Variants in RASAL2 observed in about 807,000 individuals in gnomAD.
RASAL2 encodes RAS protein activator like 2, also known as ras GTPase-activating protein nGAP.
RASAL2 carries 58 observed loss-of-function variants against 128.9 expected under a neutral mutation model. That is an observed-to-expected ratio of 0.45 (90% confidence interval 0.36 to 0.56). The LOEUF (loss-of-function observed/expected upper bound fraction) is 0.56. Ranked by LOEUF, RASAL2 falls within the 20% of genes least tolerant of loss-of-function variation. The pLI, the probability that RASAL2 is intolerant of heterozygous loss-of-function variation, is 0.00. For synonymous variants in RASAL2, 561 were observed against 580.8 expected (o/e 0.97, Z 0.49); for missense variants, 1,360 against 1,601.6 (o/e 0.85, Z 2.57).
At chr1:178,431,446 A>G (rs2102796551) in intron 5 of RASAL2, among the ~76,000 whole-genome samples, 1 of 152,180 alleles carries the variant, frequency 6.6e-6, no homozygotes. Flanking sequence ...GCCACATCTC[A>G]TGTTGAAGAT....
intron 1 of RASAL2, among the ~76,000 whole-genome samples, chr1:178,205,723 C>T (rs1341684768): frequency 6.6e-6 from 1 of 152,040 alleles, no homozygotes; most frequent in Non-Finnish European, 1.5e-5. Flanking sequence ...CGCCACTGCA[C>T]TCCAGCCTGG....
intron 1 of RASAL2, among the ~76,000 whole-genome samples, chr1:178,210,471 A>G (rs1663213270): frequency 6.6e-6 from 1 of 152,306 alleles, no homozygotes; most frequent in Non-Finnish European, 1.5e-5. Context: ...TCCCTTGTCT[A>G]CAATTTTGAA....
At chr1:178,393,870 C>T (rs969046416) in intron 4 of RASAL2, among the ~76,000 whole-genome samples, 5 of 152,116 alleles carry the variant, frequency 3.3e-5, no homozygotes, top group Non-Finnish European at 7.4e-5. Context: ...AGACCAGAAT[C>T]GAACGAGTTT....
chr1:178,166,848 T>C (rs1661532749), intron 1 of RASAL2, among the ~76,000 whole-genome samples: 1 of 152,142 alleles, frequency 6.6e-6, no homozygotes, highest in East Asian at 1.9e-4. Context: ...GTGATTAGGA[T>C]GTGGCTGAAA....
At chr1:178,155,969 G>A (rs968882099) in intron 1 of RASAL2, among the ~76,000 whole-genome samples, 22 of 151,996 alleles carry the variant, frequency 1.4e-4, no homozygotes, top group African/African-American at 5.1e-4. Context: ...CTCTTCCCCC[G>A]ACAACCCCAA....
intron 1 of RASAL2, among the ~76,000 whole-genome samples, chr1:178,122,035 G>T (rs980622138): frequency 6.6e-6 from 1 of 152,032 alleles, no homozygotes; most frequent in Non-Finnish European, 1.5e-5. Context: ...CTAGGACCAA[G>T]TCATTGTTAG....
intron 1 of RASAL2, among the ~76,000 whole-genome samples, chr1:178,145,925 A>C (rs1046778215): frequency 6.6e-6 from 1 of 152,218 alleles, no homozygotes; most frequent in African/African-American, 2.4e-5. Flanking sequence ...ATACCTAGCT[A>C]TAAGGGAAAC....
intron 1 of RASAL2, among the ~76,000 whole-genome samples, chr1:178,185,838 A>G (rs527722048): frequency 1.7e-4 from 26 of 152,060 alleles, no homozygotes; most frequent in Admixed American, 5.9e-4. Flanking sequence ...ATATTGTTCT[A>G]TTGTTTTCCT....
intron 1 of RASAL2, among the ~76,000 whole-genome samples, chr1:178,255,625 C>G (rs1280831210): frequency 6.6e-6 from 1 of 151,864 alleles, no homozygotes. Flanking sequence ...TAAATTAGAA[C>G]AAATCTGAAG....
rs563290828 is a variant in RASAL2 at position 178,315,059 on chromosome 1, G to C, written c.457+14941G>C. ...GTGGTGTTTGGTTTTTTGATCTTGC[G>C]ATAGTTTACTGAGAATGATGATTTC... is the stretch of plus-strand genomic sequence containing the variant. On this transcript the variant is annotated intron_variant, in intron 3 of 17. Transcript: ENST00000367649. Among the ~76,000 whole-genome samples the C allele has an allele frequency of 8.8e-5, 13 of 148,074 alleles. No homozygotes were observed. The South Asian group carries it at 2.6e-3, about 30-fold the overall frequency.
chr1:178,094,353 G>A lies in RASAL2; in HGVS notation c.-140G>A, dbSNP rs1247054871. 7 of 743,066 alleles carry A rather than the reference G, an allele frequency of 9.4e-6. No individual in the cohort carries two copies. Among genetic ancestry groups the A allele is most frequent in the East Asian group, 6.1e-5 (2 of 32,896 alleles). 46.0% of individuals were successfully genotyped at this position (743,066 alleles called of 1,614,324 possible). On this transcript the variant is annotated 5_prime_UTR_variant, in exon 1 of 18. Transcript: ENST00000367649. ...CAGTGGGCGACGGGGAAGGAGGTGAGAGGTGTCCGCGCCGGCTGCCGCTCG... is the reference window on the plus strand; with the variant it reads ...CAGTGGGCGACGGGGAAGGAGGTGAAAGGTGTCCGCGCCGGCTGCCGCTCG...
At chr1:178,471,906 C>T (rs1648306413) in intron 17 of RASAL2, among the ~76,000 whole-genome samples, 1 of 152,172 alleles carries the variant, frequency 6.6e-6, no homozygotes, top group African/African-American at 2.4e-5. Flanking sequence ...CTGAACTTTA[C>T]CATGACTAAA....
intron 4 of RASAL2, among the ~76,000 whole-genome samples, chr1:178,399,347 T>G (rs943896065): frequency 7.0e-6 from 1 of 143,816 alleles, no homozygotes; most frequent in South Asian, 2.1e-4. Flanking sequence ...TACAGGTAGA[T>G]AGAAACCACA....
chr1:178,280,336 TA>T (rs748860745), intron 1 of RASAL2, among the ~76,000 whole-genome samples: 1 of 152,090 alleles, frequency 6.6e-6, no homozygotes, highest in African/African-American at 2.4e-5. Context: ...TGCAAAAATA[TA>T]AAAGAGTCGC....
At chr1:178,194,349 C>T (rs1662589273) in intron 1 of RASAL2, 1 of 225,628 alleles carries the variant, frequency 4.4e-6, no homozygotes, top group African/African-American at 2.3e-5. Context: ...CACTTAAACT[C>T]TCTCTCCCCA....
At chr1:178,234,519 T>A (rs1176403132) in intron 1 of RASAL2, among the ~76,000 whole-genome samples, 1 of 152,190 alleles carries the variant, frequency 6.6e-6, no homozygotes, top group Non-Finnish European at 1.5e-5. Flanking sequence ...TGGGACTTTT[T>A]AAAATTTAAA....
chr1:178,172,404 G>T (rs1321555654), intron 1 of RASAL2, among the ~76,000 whole-genome samples: 1 of 151,892 alleles, frequency 6.6e-6, no homozygotes, highest in Non-Finnish European at 1.5e-5. Context: ...AATCCTGTAA[G>T]CTACCATTGA....
At chr1:178,424,947 A>G (rs1675426433) in intron 5 of RASAL2, among the ~76,000 whole-genome samples, 1 of 152,352 alleles carries the variant, frequency 6.6e-6, no homozygotes, top group Middle Eastern at 3.4e-3. Flanking sequence ...TCAATATGTG[A>G]CAGTTATGTA....
intron 2 of RASAL2, among the ~76,000 whole-genome samples, chr1:178,299,547 G>T (rs1667670406): frequency 6.6e-6 from 1 of 151,934 alleles, no homozygotes; most frequent in African/African-American, 2.4e-5. Context: ...CACCAGGCTG[G>T]AGTGCAGTGG....
Sources: allele counts gnomAD v4.1 joint callset (sites outside exome capture counted in the v4.1 genomes callset), GRCh38; gene constraint gnomAD v4.1.1; transcripts MANE v1.5; gene names NCBI Gene and HGNC (gene_info 2026-07-23, HGNC 2026-07-21).